Variants in SCN9A observed in about 807,000 individuals in gnomAD.
The protein encoded by SCN9A is sodium voltage-gated channel alpha subunit 9, also known as sodium channel protein type 9 subunit alpha.
A neutral mutation model predicts 187.0 loss-of-function variants in SCN9A; 131 were observed. The ratio of observed to expected loss-of-function variants is 0.70; its 90% confidence interval spans 0.61 to 0.81. The LOEUF is 0.81. Among genes scored for constraint, SCN9A ranks in the 30% least tolerant of loss-of-function variants. The pLI, the probability that SCN9A is intolerant of heterozygous loss-of-function variation, is 0.00. For synonymous variants in SCN9A, 809 were observed against 808.6 expected (o/e 1.00, Z -0.01); for missense variants, 2,252 against 2,396.6 (o/e 0.94, Z 1.26).
intron 19 of SCN9A, among the ~76,000 whole-genome samples, chr2:166,238,843 A>G (rs1695435832): frequency 2.0e-5 from 3 of 152,276 alleles, no homozygotes; most frequent in South Asian, 2.1e-4. Context: ...ATTCATCCAT[A>G]TATTATCCTT....
At chr2:166,227,851 A>G (rs950337678) in intron 22 of SCN9A, 128 bp from the exon 23 acceptor site, 1 of 639,156 alleles carries the variant, frequency 1.6e-6, no homozygotes, top group Non-Finnish European at 2.8e-6. Context: ...TGTATTCAAC[A>G]TGTCCATTTA....
intron 10 of SCN9A, among the ~76,000 whole-genome samples, chr2:166,287,772 T>TA: frequency 6.6e-6 from 1 of 151,912 alleles, no homozygotes; most frequent in Non-Finnish European, 1.5e-5. Flanking sequence ...ACACCAAAAT[T>TA]ATTTTCTTAA....
At chr2:166,366,888 A>G (rs2105323879) in intron 1 of SCN9A, among the ~76,000 whole-genome samples, 1 of 152,342 alleles carries the variant, frequency 6.6e-6, no homozygotes, top group South Asian at 2.1e-4. Flanking sequence ...AAAAATTATT[A>G]TAAACATAAT....
In SCN9A at chr2:166,196,722, T is replaced by A. The variant is rs1433434315; in HGVS notation, c.*1950A>T. ...CAAAACCTATTTCCAACAGGCTTGG[T>A]AGGTATGTGATAAAATGATCTATGT... is the stretch of plus-strand genomic sequence containing the variant. On this transcript the variant is annotated 3_prime_UTR_variant, in exon 27 of 27. Coordinates refer to ENST00000642356, the MANE Select transcript of SCN9A (RefSeq NM_001365536.1). 6.6e-6 allele frequency: 1 copy of A among 152,116 alleles called. No homozygotes were observed. Among genetic ancestry groups the A allele is most frequent in the African/African-American group, 2.4e-5 (1 of 41,444 alleles). 9.4% of individuals were successfully genotyped at this position (152,116 alleles called of 1,614,324 possible). A position where few individuals can be genotyped will look rare whatever the true frequency, so the allele number is the denominator to read the frequency against.
intron 16 of SCN9A, among the ~76,000 whole-genome samples, chr2:166,273,596 G>A (rs1473950775): frequency 6.6e-6 from 1 of 151,658 alleles, no homozygotes; most frequent in Non-Finnish European, 1.5e-5. Context: ...TTGAAGCAAA[G>A]TTTTATTTCT....
rs200855931 is a variant in SCN9A at position 166,198,863 on chromosome 2, A to T, written c.5776T>A (p.Leu1926Ile). Reference sequence around the variant, plus strand: ...AAAGCCATATCTTTTTTATTGAGTAAATCATCATCTCTGTCTCCATCTTTT... The same window carrying T: ...AAAGCCATATCTTTTTTATTGAGTATATCATCATCTCTGTCTCCATCTTTT... The part of the protein sequence containing the change: ...YIKDGDRDDD[L>I]LNKKDMAFDN... The change falls in exon 27 of 27, where the codon TTA becomes ATA. Residue 1926 changes from leucine (L) to isoleucine (I), a missense_variant. This residue lies in a region of SCN9A where 345 missense variants were observed against 344.6 expected (regional missense o/e 1.00). Transcript: ENST00000642356. The T allele has an allele frequency of 9.9e-6, 16 of 1,613,792 alleles. No homozygotes were observed. The East Asian group carries it at 3.6e-4, about 36-fold the overall frequency.
At chr2:166,289,403 A>C (rs562510441) in intron 9 of SCN9A, among the ~76,000 whole-genome samples, 1 of 151,260 alleles carries the variant, frequency 6.6e-6, no homozygotes, top group South Asian at 2.1e-4. Context: ...CTCATTGCCC[A>C]CCTCTCACTC....
intron 1 of SCN9A, among the ~76,000 whole-genome samples, chr2:166,358,562 T>C (rs1700207007): frequency 6.6e-6 from 1 of 152,162 alleles, no homozygotes; most frequent in African/African-American, 2.4e-5. Context: ...TAAAATTAGC[T>C]TTTTTTCTGT....
intron 24 of SCN9A, among the ~76,000 whole-genome samples, chr2:166,225,282 A>G (rs1018321279): frequency 6.6e-6 from 1 of 151,982 alleles, no homozygotes; most frequent in Non-Finnish European, 1.5e-5. Flanking sequence ...CTTCTTTCCC[A>G]CCTTCCAAAG....
chr2:166,337,674 A>G (rs1269495216), intron 1 of SCN9A, among the ~76,000 whole-genome samples: 2 of 152,070 alleles, frequency 1.3e-5, no homozygotes, highest in Non-Finnish European at 2.9e-5. Context: ...CAGCAGATGG[A>G]TATGGTCGTA....
At chr2:166,255,067 C>G (rs778849167) in intron 17 of SCN9A, among the ~76,000 whole-genome samples, 3 of 151,066 alleles carry the variant, frequency 2.0e-5, no homozygotes, top group Non-Finnish European at 4.4e-5. Context: ...CCTCCACTAT[C>G]TCCTTGATTC....
At chr2:166,326,654 C>T (rs182041228) in intron 1 of SCN9A, among the ~76,000 whole-genome samples, 202 of 152,256 alleles carry the variant, frequency 1.3e-3, no homozygotes, top group African/African-American at 4.5e-3. Flanking sequence ...GGAGAAATAG[C>T]CAAATAGGAC....
intron 1 of SCN9A, among the ~76,000 whole-genome samples, chr2:166,356,555 A>G (rs1336852280): frequency 1.3e-5 from 2 of 152,178 alleles, no homozygotes; most frequent in Non-Finnish European, 2.9e-5. Context: ...CAAAACTCAA[A>G]AGTATGTATA....
chr2:166,227,164 A>G (rs1052801107), intron 23 of SCN9A, among the ~76,000 whole-genome samples: 1 of 152,130 alleles, frequency 6.6e-6, no homozygotes, highest in South Asian at 2.1e-4. Context: ...GTTTCTTAGC[A>G]TGGAACTTAT....
intron 24 of SCN9A, among the ~76,000 whole-genome samples, chr2:166,208,847 C>T (rs16851792): frequency 0.16 from 24,042 of 152,180 alleles, 2,364 homozygotes; most frequent in East Asian, 0.34. Flanking sequence ...TCAATCATAA[C>T]TGTGCTGGTA....
intron 17 of SCN9A, among the ~76,000 whole-genome samples, chr2:166,261,629 A>T (rs934462151): frequency 6.6e-6 from 1 of 151,968 alleles, no homozygotes; most frequent in Non-Finnish European, 1.5e-5. Context: ...TGTTCTATCC[A>T]GTTATGCCAA....
At chr2:166,281,867 GA>G in intron 12 of SCN9A, 59 bp from the exon 13 acceptor site, 1 of 1,506,730 alleles carries the variant, frequency 6.6e-7, no homozygotes, top group Non-Finnish European at 9.0e-7. Context: ...GTAGGTATAA[GA>G]TAAAATCTTG....
In SCN9A at chr2:166,284,770, T is replaced by G. The variant is rs1482693481; in HGVS notation, c.1657A>C (p.Ser553Arg). The G allele has an allele frequency of 1.2e-6, 2 of 1,613,618 alleles. No individual in the cohort carries two copies. The highest frequency in any genetic ancestry group is 1.7e-6 in the Non-Finnish European group (2 of 1,179,842). ...LFSARRSSRT[S>R]LFSFKGRGRD... ...CCTCTGCCTTTGAAACTAAAAAGAC[T>G]TGTTCTGCTGCTTCGCCTTGCAGAA... The change falls in exon 12 of 27, where the codon AGT becomes CGT. Residue 553 changes from serine to arginine, a missense_variant. By Grantham distance (110) the Ser-to-Arg change is moderately radical. Coordinates refer to ENST00000642356, the MANE Select transcript of SCN9A (RefSeq NM_001365536.1).
In SCN9A at chr2:166,243,313, C is replaced by CT. The variant is rs1336058935; in HGVS notation, c.3473-658dup. 1.2e-4 allele frequency among the ~76,000 whole-genome samples: 18 copies of CT among 152,106 alleles called. No individual in the cohort carries two copies. The East Asian group carries it at 2.7e-3, about 23-fold the overall frequency. ...AACGCATTCTTTTGTCCATCAAACC[C>CT]TTGTTACGTATCTTTTATGTATTCA... is the stretch of plus-strand genomic sequence containing the variant. On this transcript the variant is annotated intron_variant, in intron 18 of 26. Transcript: ENST00000642356.
Sources: allele counts gnomAD v4.1 joint callset (sites outside exome capture counted in the v4.1 genomes callset), GRCh38; gene constraint gnomAD v4.1.1; regional missense constraint gnomAD v4.1.1; transcripts MANE v1.5; gene names NCBI Gene and HGNC (gene_info 2026-07-23, HGNC 2026-07-21).